The following ARMC2 variants were observed in gnomAD, a reference collection of about 807,000 sequenced individuals.
The protein encoded by ARMC2 is armadillo repeat containing 2.
A neutral mutation model predicts 90.3 loss-of-function variants in ARMC2; 67 were observed. That is an observed-to-expected ratio of 0.74 (90% CI 0.61 to 0.91). The LOEUF is 0.91. ARMC2 is among the 40% of genes least tolerant of loss of function. The probability of loss-of-function intolerance (pLI) is 0.00; values close to 1 mark genes in which losing one functional copy is unlikely to be tolerated. For missense variants in ARMC2, 920 were observed against 1,030.9 expected (o/e 0.89, Z 1.47); for synonymous variants, 393 against 393.0 (o/e 1.00, Z 0.00).
At chr6:108,850,088 C>T (rs543541955) in intron 1 of ARMC2, among the ~76,000 whole-genome samples, 3 of 152,240 alleles carry the variant, frequency 2.0e-5, no homozygotes, top group Non-Finnish European at 2.9e-5. Flanking sequence ...TTAGCAGCAA[C>T]GATAAAGACA....
intron 10 of ARMC2, among the ~76,000 whole-genome samples, chr6:108,923,896 C>T (rs1021863706): frequency 6.6e-6 from 1 of 152,132 alleles, no homozygotes; most frequent in African/African-American, 2.4e-5. Flanking sequence ...TCGCTCCTGT[C>T]CCTTCTTTCT....
chr6:108,902,485 A>C (rs1772247258), intron 7 of ARMC2, among the ~76,000 whole-genome samples: 1 of 152,236 alleles, frequency 6.6e-6, no homozygotes, highest in South Asian at 2.1e-4. Context: ...CAGTCACAGA[A>C]GAATAAAACA....
chr6:109,046,857 G>C, the ARMC2 span, among the ~76,000 whole-genome samples: 2 of 130,224 alleles, frequency 1.5e-5, no homozygotes, highest in African/African-American at 2.8e-5. Flanking sequence ...CAACCACCCC[G>C]TATGAGAAGT....
At chr6:108,970,646 C>T (rs557426535) in intron 17 of ARMC2, among the ~76,000 whole-genome samples, 3 of 151,150 alleles carry the variant, frequency 2.0e-5, no homozygotes, top group African/African-American at 7.3e-5. Context: ...TACAGGAGCC[C>T]GCCACATGCC....
chr6:108,924,961 A>C (rs1391109884), intron 10 of ARMC2, among the ~76,000 whole-genome samples: 2 of 152,094 alleles, frequency 1.3e-5, no homozygotes, highest in African/African-American at 4.8e-5. Flanking sequence ...GGGGCCCGGG[A>C]GTTTAGGAGC....
intron 5 of ARMC2, 67 bp from the exon 6 acceptor site, chr6:108,894,400 C>T (rs1771387718): frequency 1.5e-6 from 2 of 1,366,090 alleles, no homozygotes; most frequent in Non-Finnish European, 2.0e-6. Context: ...ATATAGCAGA[C>T]TCTTGTCATT....
chr6:109,017,022 ATATATTT>A, the ARMC2 span, among the ~76,000 whole-genome samples: 4 of 151,988 alleles, frequency 2.6e-5, no homozygotes, highest in East Asian at 1.9e-4. Flanking sequence ...CTATTATTTT[ATATATTT>A]TATATTTTAT....
the ARMC2 span, among the ~76,000 whole-genome samples, chr6:109,037,043 T>A: frequency 5.3e-4 from 81 of 152,296 alleles, 1 homozygote; most frequent in African/African-American, 1.9e-3. Flanking sequence ...CATAATGTGC[T>A]GCCAAAATAT....
At chr6:109,034,530 T>C in the ARMC2 span, among the ~76,000 whole-genome samples, 9 of 152,344 alleles carry the variant, frequency 5.9e-5, no homozygotes, top group African/African-American at 2.2e-4. Flanking sequence ...TTCCCTAGCA[T>C]CTATTCTCTC....
chr6:108,856,020 A>G (rs1774560387), intron 2 of ARMC2, among the ~76,000 whole-genome samples: 1 of 152,078 alleles, frequency 6.6e-6, no homozygotes, highest in Non-Finnish European at 1.5e-5. Flanking sequence ...TCTTCTCTTG[A>G]TAGTGTCTTT....
At chr6:108,914,848 A>C (rs1299273760) in intron 10 of ARMC2, among the ~76,000 whole-genome samples, 2 of 152,030 alleles carry the variant, frequency 1.3e-5, no homozygotes, top group Non-Finnish European at 2.9e-5. Flanking sequence ...CTGACTTTTC[A>C]CCAGCCGGTT....
chr6:108,911,671 A>G (rs1379017943), intron 9 of ARMC2, among the ~76,000 whole-genome samples: 1 of 152,196 alleles, frequency 6.6e-6, no homozygotes, highest in Non-Finnish European at 1.5e-5. Context: ...CAGTACTGAA[A>G]GAAATGTCTA....
At chr6:108,852,934 T>A (rs949707602) in intron 1 of ARMC2, among the ~76,000 whole-genome samples, 6 of 152,106 alleles carry the variant, frequency 3.9e-5, no homozygotes, top group African/African-American at 1.4e-4. Context: ...ATATAAAAAA[T>A]TGTGTATATA....
Position 108,904,523 on chromosome 6 carries a change from G to T in ARMC2, c.1023+118G>T, listed in dbSNP as rs573569816. 168 of 1,038,764 alleles carry T rather than the reference G, an allele frequency of 1.6e-4. No homozygotes were observed. The African/African-American group carries it at 2.5e-3, about 16-fold the overall frequency. 64.3% of individuals were successfully genotyped at this position (1,038,764 alleles called of 1,614,324 possible). ...TGCAGTGTATTTGTTTAGAATCTTG[G>T]AAAAAAATTAAGGTAATAAACTGAC... On this transcript the variant is annotated intron_variant, in intron 8 of 17. Transcript: ENST00000392644.
At chr6:108,907,458 CTTT>C (rs759986578) in intron 8 of ARMC2, among the ~76,000 whole-genome samples, 32 of 104,446 alleles carry the variant, frequency 3.1e-4, no homozygotes, top group South Asian at 1.1e-3. Context: ...TTCTTTCTTT[CTTT>C]TTTTTTTTTT....
Position 108,901,842 on chromosome 6 carries a change from C to T in ARMC2, c.847+2050C>T, listed in dbSNP as rs531954671. 2.6e-5 allele frequency among the ~76,000 whole-genome samples: 4 copies of T among 152,306 alleles called. 1 individual carries two copies. The highest frequency in any genetic ancestry group is 5.9e-5 in the Non-Finnish European group (4 of 68,032). ...ATTTCCTTTGTAGAAAAAATAAAAG[C>T]CTGGATCACAAGTTCTCATCATTTG... On this transcript the variant is annotated intron_variant, in intron 7 of 17. Transcript: ENST00000392644.
At chr6:108,946,882 A>G (rs1776844320) in intron 12 of ARMC2, among the ~76,000 whole-genome samples, 1 of 152,108 alleles carries the variant, frequency 6.6e-6, no homozygotes, top group Admixed American at 6.6e-5. Flanking sequence ...AAGGTACGGG[A>G]GGAAGGGTGT....
At chr6:108,976,929 A>G (rs1297876518), downstream of ARMC2, among the ~76,000 whole-genome samples, 1 of 152,348 alleles carries the variant, frequency 6.6e-6, no homozygotes, top group South Asian at 2.1e-4. Flanking sequence ...TTCTAAATAT[A>G]CAGTCATACC....
chr6:108,868,513 G>A (rs1372829765), intron 3 of ARMC2, among the ~76,000 whole-genome samples: 4 of 152,058 alleles, frequency 2.6e-5, no homozygotes, highest in African/African-American at 9.7e-5. Context: ...CACTGCGCCC[G>A]GCCAATTTTG....
Sources: gnomAD v4.1 joint callset for allele counts (sites outside exome capture counted in the v4.1 genomes callset) on GRCh38, gnomAD v4.1.1 for gene constraint, MANE v1.5 for transcripts, NCBI Gene and HGNC (gene_info 2026-07-23, HGNC 2026-07-21) for gene names.